Variants in PPP1R15B observed in about 807,000 individuals in gnomAD.
The protein encoded by PPP1R15B is protein phosphatase 1, regulatory (inhibitor) subunit 15B.
A neutral mutation model predicts 53.9 loss-of-function variants in PPP1R15B; 31 were observed. That is an observed-to-expected ratio of 0.58 (90% CI 0.43 to 0.78). The LOEUF (loss-of-function observed/expected upper bound fraction) is 0.78, where lower values mean the gene tolerates loss of function less well. PPP1R15B is among the 30% of genes least tolerant of loss of function. The pLI is 0.00. For missense variants in PPP1R15B, 928 were observed against 849.6 expected (o/e 1.09, Z -1.15); for synonymous variants, 345 against 329.1 (o/e 1.05, Z -0.52).
In PPP1R15B at chr1:204,404,230, T is replaced by A. The variant is rs1047296281; in HGVS notation, c.*1862A>T. ...GTGGAGGTGCACAAAACACACAGAA[T>A]CCCAGCACTTTGAGAGGCCGAGGCG... On this transcript the variant is annotated 3_prime_UTR_variant, in exon 2 of 2. Coordinates refer to ENST00000367188, the MANE Select transcript of PPP1R15B (RefSeq NM_032833.5). 1 of 985,260 alleles carries A rather than the reference T, an allele frequency of 1.0e-6. No homozygotes were observed. Among genetic ancestry groups the A allele is most frequent in the Non-Finnish European group, 1.2e-6 (1 of 829,886 alleles). The allele number at this position is 985,260 out of a possible 1,614,324, so 61.0% of individuals were successfully genotyped here.
Position 204,405,992 on chromosome 1 carries a change from A to G in PPP1R15B, c.*100T>C. ...ACTAGATCCAAGTTACATTTCCTCT[A>G]AAAAAAAAAATGTCAAAGGACAGCT... is the stretch of plus-strand genomic sequence containing the variant. On this transcript the variant is annotated 3_prime_UTR_variant, in exon 2 of 2. Transcript: ENST00000367188. 1 of 598,116 alleles carries G rather than the reference A, an allele frequency of 1.7e-6. No individual in the cohort carries two copies. The highest frequency in any genetic ancestry group is 2.2e-6 in the Non-Finnish European group (1 of 446,746). 37.1% of individuals were successfully genotyped at this position (598,116 alleles called of 1,614,324 possible).
rs1674234224 is a variant in PPP1R15B, at chr1:204,404,589, A to G, written c.*1503T>C. 2.0e-6 allele frequency: 2 copies of G among 985,564 alleles called. No homozygotes were observed. Among genetic ancestry groups the G allele is most frequent in the Non-Finnish European group, 2.4e-6 (2 of 829,660 alleles). 61.1% of individuals were successfully genotyped at this position (985,564 alleles called of 1,614,324 possible). A position where few individuals can be genotyped will look rare whatever the true frequency, so the allele number is the denominator to read the frequency against. On this transcript the variant is annotated 3_prime_UTR_variant, in exon 2 of 2. Transcript: ENST00000367188. Reference sequence around the variant, plus strand: ...TCAATGTGTTTAATTATGAATATATAAACAGTGGAGGCAGTTCTTAGAACT... The same window carrying G: ...TCAATGTGTTTAATTATGAATATATGAACAGTGGAGGCAGTTCTTAGAACT...
chr1:204,411,209 G>A lies in PPP1R15B; in HGVS notation c.203C>T (p.Ser68Phe), dbSNP rs1392723631. The change falls in exon 1 of 2, where the codon TCC becomes TTC. Residue 68 changes from serine to phenylalanine, a missense_variant. Ser to Phe is a radical substitution (Grantham distance 155, BLOSUM62 -2). Transcript: ENST00000367188. ...TCCGGGGAGCGGCGCAAGGAGCTGGGAGAGCAGTTTCGTCCAGTAACTGAC... is the reference window on the plus strand; with the variant it reads ...TCCGGGGAGCGGCGCAAGGAGCTGGAAGAGCAGTTTCGTCCAGTAACTGAC... ...TRVSYWTKLL[S>F]QLLAPLPGLL... 6.2e-7 allele frequency: 1 copy of A among 1,614,248 alleles called. No homozygotes were observed. Among genetic ancestry groups the A allele is most frequent in the African/African-American group, 1.3e-5 (1 of 75,072 alleles).
Position 204,405,786 on chromosome 1 carries a change from G to A in PPP1R15B, c.*306C>T, listed in dbSNP as rs1250188889. ...TTCCAAGAAAATAAGTTTTGAAAGT[G>A]CAAAATGACAACTCAAAAAGGTCCC... On this transcript the variant is annotated 3_prime_UTR_variant, in exon 2 of 2. Transcript: ENST00000367188. The A allele has an allele frequency of 5.6e-6, 6 of 1,066,582 alleles. No individual in the cohort carries two copies. Among genetic ancestry groups the A allele is most frequent in the Non-Finnish European group, 2.3e-6 (2 of 880,050 alleles). 66.1% of individuals were successfully genotyped at this position (1,066,582 alleles called of 1,614,324 possible).
Position 204,404,471 on chromosome 1 carries a change from C to T in PPP1R15B, c.*1621G>A, listed in dbSNP as rs777134255. On this transcript the variant is annotated 3_prime_UTR_variant, in exon 2 of 2. Coordinates refer to ENST00000367188, the MANE Select transcript of PPP1R15B (RefSeq NM_032833.5). ...CTGCACTCCAAGCTGGGGGACCGAA[C>T]GAGACTCTGTCTCAAAAAAAAAAGA... 4.0e-5 allele frequency: 37 copies of T among 934,386 alleles called. No individual in the cohort carries two copies. Among genetic ancestry groups the T allele is most frequent in the South Asian group, 9.9e-5 (2 of 20,206 alleles). 57.9% of individuals were successfully genotyped at this position (934,386 alleles called of 1,614,324 possible). A position where few individuals can be genotyped will look rare whatever the true frequency, so the allele number is the denominator to read the frequency against.
downstream of PPP1R15B, among the ~76,000 whole-genome samples, chr1:204,401,738 T>C (rs530139239): frequency 3.3e-5 from 5 of 152,260 alleles, no homozygotes; most frequent in Non-Finnish European, 7.4e-5. Context: ...CTGGACAACA[T>C]GGCAAAACCC....
In PPP1R15B at chr1:204,405,176, G is replaced by T. The variant is rs990245249; in HGVS notation, c.*916C>A. 4 of 985,236 alleles carry T rather than the reference G, an allele frequency of 4.1e-6. No homozygotes were observed. In the African/African-American group the frequency reaches 7.0e-5, roughly 17 times the overall value. The allele number at this position is 985,236 out of a possible 1,614,324, so 61.0% of individuals were successfully genotyped here. ...AGAACATATACACCAAAACCAAATT[G>T]CTCTGAGATGTCTCCTATTTTCTTT... On this transcript the variant is annotated 3_prime_UTR_variant, in exon 2 of 2. Transcript: ENST00000367188.
Position 204,410,717 on chromosome 1 carries a change from G to A in PPP1R15B, c.695C>T (p.Pro232Leu). 6.2e-7 allele frequency: 1 copy of A among 1,614,160 alleles called. No homozygotes were observed. The highest frequency in any genetic ancestry group is 1.3e-5 in the African/African-American group (1 of 75,050). The change falls in exon 1 of 2, where the codon CCT becomes CTT. Residue 232 changes from proline to leucine, a missense_variant. Physicochemically the swap from Pro to Leu is moderately conservative, Grantham distance 98. Coordinates refer to ENST00000367188, the MANE Select transcript of PPP1R15B (RefSeq NM_032833.5). ...GTTCTGATAGCTGACTTCTAGCCTA[G>A]GAAAGCAGTCCAGGTAGGAAGGGTT... The part of the protein sequence containing the change: ...LLNPSYLDCF[P>L]RLEVSYQNSD...
At position 204,406,265 on chromosome 1, in the gene PPP1R15B, C is replaced by A; in HGVS notation, c.1969G>T (p.Asp657Tyr). ...VTEYYISGDE[D>Y]RKGPWEEFAR... ...AATTCTTCCCATGGTCCTTTGCGAT[C>A]CTCATCACCACTTATATAATACTCA... is the stretch of plus-strand genomic sequence containing the variant. The change falls in exon 2 of 2, where the codon GAT becomes TAT. Residue 657 changes from aspartate (D) to tyrosine (Y), a missense_variant. Coordinates refer to ENST00000367188, the MANE Select transcript of PPP1R15B (RefSeq NM_032833.5). 6.2e-7 allele frequency: 1 copy of A among 1,614,088 alleles called. No homozygotes were observed. Among genetic ancestry groups the A allele is most frequent in the Non-Finnish European group, 8.5e-7 (1 of 1,180,000 alleles).
At chr1:204,399,572 A>G (rs939857678), downstream of PPP1R15B, among the ~76,000 whole-genome samples, 99 of 152,054 alleles carry the variant, frequency 6.5e-4, no homozygotes, top group Non-Finnish European at 1.2e-3. Context: ...AAAAAAAAAA[A>G]AGTTGTTATT....
chr1:204,405,951 C>CA lies in PPP1R15B; in HGVS notation c.*140dup, dbSNP rs374844400. 0.051 allele frequency: 42,101 copies of CA among 825,282 alleles called. No individual in the cohort carries two copies. The highest frequency in any genetic ancestry group is 0.084 in the East Asian group (1,951 of 23,342). The allele number at this position is 825,282 out of a possible 1,614,324, so 51.1% of individuals were successfully genotyped here. A position where few individuals can be genotyped will look rare whatever the true frequency, so the allele number is the denominator to read the frequency against. ...GAATGTTTCTGAGTGGGATATGTTGCAAAAAAAAAAATTAAACTAGATCCA... is the reference window on the plus strand; with the variant it reads ...GAATGTTTCTGAGTGGGATATGTTGCAAAAAAAAAAAATTAAACTAGATCCA... On this transcript the variant is annotated 3_prime_UTR_variant, in exon 2 of 2. Coordinates refer to ENST00000367188, the MANE Select transcript of PPP1R15B (RefSeq NM_032833.5).
chr1:204,409,383 C>T, intron 1 of PPP1R15B, 109 bp downstream of exon 1: 1 of 1,215,350 alleles, frequency 8.2e-7, no homozygotes, highest in Non-Finnish European at 1.1e-6. Flanking sequence ...AATTTAGAGG[C>T]CTTCCTCAAA....
At chr1:204,401,578 C>G (rs144758915), downstream of PPP1R15B, among the ~76,000 whole-genome samples, 2 of 151,932 alleles carry the variant, frequency 1.3e-5, no homozygotes, top group Non-Finnish European at 2.9e-5. Flanking sequence ...TTATAAACAA[C>G]GTGCATTATG....
chr1:204,402,365 T>C (rs1033685029), downstream of PPP1R15B, among the ~76,000 whole-genome samples: 1 of 152,180 alleles, frequency 6.6e-6, no homozygotes, highest in African/African-American at 2.4e-5. Flanking sequence ...ACATTTATTC[T>C]TTTGAGACAG....
rs372232886 is a variant in PPP1R15B, at chr1:204,411,413, T to A, written c.-2A>T. 6.2e-7 allele frequency: 1 copy of A among 1,610,308 alleles called. No individual in the cohort carries two copies. The highest frequency in any genetic ancestry group is 8.5e-7 in the Non-Finnish European group (1 of 1,179,280). On this transcript the variant is annotated 5_prime_UTR_variant, in exon 1 of 2. Coordinates refer to ENST00000367188, the MANE Select transcript of PPP1R15B (RefSeq NM_032833.5). The stretch of plus-strand genomic sequence containing the variant: ...CGATCCGCCTGTCCCCGGCTCCATC[T>A]CCTTTTTCTTGACAGTCTCTCAGGT...
chr1:204,397,261 A>C (rs562916447), downstream of PPP1R15B, among the ~76,000 whole-genome samples: 1 of 152,192 alleles, frequency 6.6e-6, no homozygotes, highest in East Asian at 1.9e-4. Flanking sequence ...GTGATGGCTC[A>C]CGCCTGTAAT....
chr1:204,406,112 T>TTTGAG lies in PPP1R15B; in HGVS notation c.2121_2122insCTCAA (p.Asn708LeufsTer17). 6.2e-7 allele frequency: 1 copy of TTTGAG among 1,614,128 alleles called. No homozygotes were observed. The highest frequency in any genetic ancestry group is 1.1e-5 in the South Asian group (1 of 91,088). On this transcript the variant is annotated frameshift_variant, in exon 2 of 2. Transcript: ENST00000367188. LOFTEE classifies it high-confidence loss of function. ...CCAACTCAACATTGCTTGAGAACAT[T>TTTGAG]AAGTCCTTTGAAGCATGTTCCCTGG... is the stretch of plus-strand genomic sequence containing the variant.
chr1:204,401,062 A>C (rs929698453), downstream of PPP1R15B, among the ~76,000 whole-genome samples: 5 of 152,242 alleles, frequency 3.3e-5, no homozygotes, highest in Non-Finnish European at 7.3e-5. Flanking sequence ...GGCGTCTGCC[A>C]GTGGTGAAAC....
In PPP1R15B at chr1:204,405,061, T is replaced by G; in HGVS notation, c.*1031A>C. 1.0e-6 allele frequency: 1 copy of G among 985,760 alleles called. No homozygotes were observed. The highest frequency in any genetic ancestry group is 1.2e-6 in the Non-Finnish European group (1 of 829,846). 61.1% of individuals were successfully genotyped at this position (985,760 alleles called of 1,614,324 possible). ...CATTTCAAACGTGAAAATTCAGAAC[T>G]GCCCATTTCCAATTTTACAGTGGGA... On this transcript the variant is annotated 3_prime_UTR_variant, in exon 2 of 2. Coordinates refer to ENST00000367188, the MANE Select transcript of PPP1R15B (RefSeq NM_032833.5).
Sources: gnomAD v4.1 joint callset for allele counts (sites outside exome capture counted in the v4.1 genomes callset) on GRCh38, gnomAD v4.1.1 for gene constraint, MANE v1.5 for transcripts, NCBI Gene and HGNC (gene_info 2026-07-23, HGNC 2026-07-21) for gene names.